LRMDA: variants seen among roughly 807,000 people sequenced by gnomAD.
LRMDA encodes the protein leucine rich melanocyte differentiation associated, also known as leucine-rich melanocyte differentiation-associated protein.
A neutral mutation model predicts 29.8 loss-of-function variants in LRMDA; 18 were observed. The ratio of observed to expected loss-of-function variants is 0.60; its 90% CI spans 0.42 to 0.90. The LOEUF (loss-of-function observed/expected upper bound fraction) is 0.90. LRMDA is among the 40% of genes least tolerant of loss of function. The pLI is 0.00. For missense variants in LRMDA, 273 were observed against 273.9 expected (o/e 1.00, Z 0.02); for synonymous variants, 125 against 109.4 (o/e 1.14, Z -0.89).
At chr10:75,842,132 C>T (rs895100940) in intron 2 of LRMDA, among the ~76,000 whole-genome samples, 6 of 152,212 alleles carry the variant, frequency 3.9e-5, no homozygotes, top group Non-Finnish European at 7.3e-5. Context: ...TCTGCTGCCT[C>T]TTTTCATATG....
At chr10:76,343,481 T>C (rs1841065882) in intron 6 of LRMDA, among the ~76,000 whole-genome samples, 1 of 152,206 alleles carries the variant, frequency 6.6e-6, no homozygotes, top group Non-Finnish European at 1.5e-5. Flanking sequence ...AGGATACTCA[T>C]TTATTTACTT....
At chr10:76,044,907 T>C (rs939969958) in intron 3 of LRMDA, among the ~76,000 whole-genome samples, 2 of 152,168 alleles carry the variant, frequency 1.3e-5, no homozygotes, top group Non-Finnish European at 2.9e-5. Context: ...CTCTTGCTAG[T>C]TTCCCTCTCT....
chr10:76,061,505 C>T (rs544343287), intron 5 of LRMDA, among the ~76,000 whole-genome samples: 99 of 152,246 alleles, frequency 6.5e-4, no homozygotes, highest in African/African-American at 2.3e-3. Context: ...TGCATATTTA[C>T]CCCCAAACCT....
intron 6 of LRMDA, among the ~76,000 whole-genome samples, chr10:76,528,135 T>G (rs1843197732): frequency 1.3e-5 from 2 of 152,140 alleles, no homozygotes; most frequent in Admixed American, 1.3e-4. Flanking sequence ...CCCTGTGCAT[T>G]GAGGCTAGAT....
chr10:75,895,919 A>T (rs1417010782), intron 2 of LRMDA, among the ~76,000 whole-genome samples: 2 of 152,220 alleles, frequency 1.3e-5, no homozygotes, highest in Non-Finnish European at 2.9e-5. Context: ...GGAATCAGAC[A>T]GATGTGGTTG....
At chr10:76,218,330 C>A (rs1439007640) in intron 5 of LRMDA, among the ~76,000 whole-genome samples, 2 of 152,182 alleles carry the variant, frequency 1.3e-5, no homozygotes, top group Non-Finnish European at 2.9e-5. Context: ...TCGGGCAGTG[C>A]AGGGCTGACA....
At chr10:75,526,375 T>G (rs1845412632) in intron 2 of LRMDA, among the ~76,000 whole-genome samples, 1 of 151,770 alleles carries the variant, frequency 6.6e-6, no homozygotes, top group Admixed American at 6.6e-5. Flanking sequence ...GATTTTATAT[T>G]TTAAATAATG....
intron 2 of LRMDA, among the ~76,000 whole-genome samples, chr10:75,657,786 C>T (rs568932231): frequency 5.9e-5 from 9 of 152,172 alleles, no homozygotes; most frequent in East Asian, 1.9e-4. Context: ...TAAGCAATTT[C>T]GGTGCAGGGT....
chr10:75,450,445 G>C (rs1844447825), intron 2 of LRMDA: 1 of 150,888 alleles, frequency 6.6e-6, no homozygotes, highest in Non-Finnish European at 1.5e-5. Context: ...GGTAGAACAG[G>C]GAAGACCAAC....
intron 5 of LRMDA, among the ~76,000 whole-genome samples, chr10:76,199,505 C>T (rs550883052): frequency 1.3e-4 from 20 of 152,280 alleles, no homozygotes; most frequent in African/African-American, 4.1e-4. Context: ...GAACCACAGG[C>T]ATTTACTTGT....
At chr10:76,019,345 T>C (rs983711826) in intron 2 of LRMDA, among the ~76,000 whole-genome samples, 7 of 152,250 alleles carry the variant, frequency 4.6e-5, no homozygotes, top group Admixed American at 1.3e-4. Context: ...ATTCTTGAAA[T>C]TGTCACTGAC....
intron 2 of LRMDA, among the ~76,000 whole-genome samples, chr10:75,599,949 C>T (rs1840860558): frequency 6.6e-6 from 1 of 152,142 alleles, no homozygotes; most frequent in Non-Finnish European, 1.5e-5. Context: ...GTAAAATAAT[C>T]CATAGCTTTC....
chr10:75,530,966 A>G (rs957568169), intron 2 of LRMDA, among the ~76,000 whole-genome samples: 24 of 152,186 alleles, frequency 1.6e-4, no homozygotes, highest in Admixed American at 6.5e-5. Flanking sequence ...GAGAATATTT[A>G]TAATTTATTG....
chr10:76,047,174 T>G lies in LRMDA; in HGVS notation c.269T>G (p.Leu90Trp), dbSNP rs1848452786. ...LTLNKNRITD[L>W]ENLLDHLAEV... ...CTTAACCTTTGTCACATCACTGATT[T>G]GGAGAACCTGCTGGATCACTTGGCA... Residue 90 changes from leucine to tryptophan, a missense_variant, in exon 4 of 7, where the codon TTG becomes TGG. Physicochemically the swap from Leu to Trp is moderately conservative, Grantham distance 61. Coordinates refer to ENST00000611255, the MANE Select transcript of LRMDA (RefSeq NM_001305581.2). 1.2e-6 allele frequency: 2 copies of G among 1,613,944 alleles called. No homozygotes were observed. Among genetic ancestry groups the G allele is most frequent in the South Asian group, 2.2e-5 (2 of 91,064 alleles).
At chr10:75,536,862 CTG>C (rs1839956459) in intron 2 of LRMDA, among the ~76,000 whole-genome samples, 1 of 151,990 alleles carries the variant, frequency 6.6e-6, no homozygotes, top group Non-Finnish European at 1.5e-5. Flanking sequence ...GCCTGGCCTA[CTG>C]AAGCATTTTT....
At chr10:76,454,997 G>C (rs1842443379) in intron 6 of LRMDA, among the ~76,000 whole-genome samples, 1 of 152,174 alleles carries the variant, frequency 6.6e-6, no homozygotes, top group South Asian at 2.1e-4. Flanking sequence ...TTAGTTTGGA[G>C]CATGACTTCC....
At chr10:75,548,781 G>A (rs773020329) in intron 2 of LRMDA, among the ~76,000 whole-genome samples, 4 of 151,960 alleles carry the variant, frequency 2.6e-5, no homozygotes, top group South Asian at 2.1e-4. Flanking sequence ...ATACATACTC[G>A]GGTTGTATAG....
intron 6 of LRMDA, among the ~76,000 whole-genome samples, chr10:76,330,954 G>A (rs1382060441): frequency 6.6e-6 from 1 of 152,162 alleles, no homozygotes; most frequent in Admixed American, 6.5e-5. Context: ...TTTGCCTACT[G>A]CCTCTTGGTT....
chr10:75,738,817 T>A (rs995277380), intron 2 of LRMDA, among the ~76,000 whole-genome samples: 2 of 152,226 alleles, frequency 1.3e-5, no homozygotes, highest in Admixed American at 6.5e-5. Context: ...GCTCACGTTG[T>A]GGTTTTTCCC....
Sources: gnomAD v4.1 joint callset for allele counts (sites outside exome capture counted in the v4.1 genomes callset) on GRCh38, gnomAD v4.1.1 for gene constraint, MANE v1.5 for transcripts, NCBI Gene and HGNC (gene_info 2026-07-23, HGNC 2026-07-21) for gene names.